The following CACHD1 variants were observed in gnomAD, a reference collection of about 807,000 sequenced individuals.
The protein encoded by CACHD1 is cache domain containing 1.
In CACHD1, 71 loss-of-function variants were observed where a neutral mutation model predicts 138.7. The observed-to-expected ratio is 0.51, with a 90% CI of 0.42 to 0.62. The LOEUF (loss-of-function observed/expected upper bound fraction) is 0.62, where lower values mean the gene tolerates loss of function less well. Ranked by LOEUF, CACHD1 falls within the 20% of genes least tolerant of loss-of-function variation. CACHD1 has a pLI of 0.00. For missense variants in CACHD1, 1,389 were observed against 1,625.3 expected, an observed-to-expected ratio of 0.85 and a Z score of 2.50; for synonymous variants, 578 against 591.5, an observed-to-expected ratio of 0.98 and a Z score of 0.33.
At chr1:64,497,268 A>G (rs1374522040) in intron 1 of CACHD1, among the ~76,000 whole-genome samples, 1 of 152,032 alleles carries the variant, frequency 6.6e-6, no homozygotes, top group Non-Finnish European at 1.5e-5. Context: ...CTCGGCTAAC[A>G]TTTTTTCAGT....
chr1:64,531,595 T>C (rs1413435791), intron 1 of CACHD1, among the ~76,000 whole-genome samples: 1 of 152,046 alleles, frequency 6.6e-6, no homozygotes, highest in Non-Finnish European at 1.5e-5. Context: ...TTGAAGAACT[T>C]ATTCTGGGAA....
chr1:64,631,399 G>A (rs148470860), intron 5 of CACHD1, among the ~76,000 whole-genome samples: 13 of 152,202 alleles, frequency 8.5e-5, no homozygotes, highest in African/African-American at 2.4e-4. Context: ...CAATGGTATC[G>A]ACTCATGAAA....
chr1:64,675,620 G>A (rs1649960383), intron 20 of CACHD1, 59 bp downstream of exon 20: 6 of 1,541,968 alleles, frequency 3.9e-6, no homozygotes, highest in South Asian at 3.6e-5. Context: ...TTCAACTGAT[G>A]TCAGGCATTT....
intron 4 of CACHD1, among the ~76,000 whole-genome samples, chr1:64,612,273 A>T (rs1417554025): frequency 6.6e-6 from 1 of 152,204 alleles, no homozygotes; most frequent in Non-Finnish European, 1.5e-5. Context: ...TCTCTAATAG[A>T]AGTTTTTTTA....
At chr1:64,602,336 T>A (rs972108768) in intron 3 of CACHD1, among the ~76,000 whole-genome samples, 2 of 152,060 alleles carry the variant, frequency 1.3e-5, no homozygotes, top group Non-Finnish European at 2.9e-5. Flanking sequence ...CAGAGCAGGG[T>A]TTCACATCTA....
chr1:64,600,891 C>G (rs1030462050), intron 3 of CACHD1, among the ~76,000 whole-genome samples: 9 of 152,134 alleles, frequency 5.9e-5, no homozygotes, highest in Admixed American at 3.3e-4. Flanking sequence ...AATATGGTAG[C>G]CACTCTTCAG....
chr1:64,683,370 G>A (rs150424800), intron 26 of CACHD1, among the ~76,000 whole-genome samples: 5 of 152,244 alleles, frequency 3.3e-5, no homozygotes, highest in Admixed American at 6.5e-5. Context: ...GTGCCTTCTC[G>A]TTTGAATAAT....
chr1:64,603,687 G>C (rs1291631302), intron 4 of CACHD1, among the ~76,000 whole-genome samples: 1 of 152,096 alleles, frequency 6.6e-6, no homozygotes. Context: ...CTTTCTTCCT[G>C]TTCTCATTGG....
intron 17 of CACHD1, 43 bp from the exon 18 acceptor site, chr1:64,673,115 A>G: frequency 6.6e-7 from 1 of 1,523,962 alleles, no homozygotes; most frequent in South Asian, 1.2e-5. Context: ...AAAAAAAAAA[A>G]AACAGCTGAT....
intron 6 of CACHD1, among the ~76,000 whole-genome samples, chr1:64,633,647 G>A (rs1359718125): frequency 1.3e-5 from 2 of 152,176 alleles, no homozygotes; most frequent in Non-Finnish European, 2.9e-5. Context: ...GCCAACTCCA[G>A]AGGTTTTGCT....
chr1:64,479,678 C>T (rs1031375222), intron 1 of CACHD1, among the ~76,000 whole-genome samples: 16 of 152,240 alleles, frequency 1.1e-4, no homozygotes, highest in Middle Eastern at 3.4e-3. Context: ...CCACCCTATG[C>T]GGTTGAAGTG....
At chr1:64,566,677 C>CT (rs887042540) in intron 2 of CACHD1, among the ~76,000 whole-genome samples, 2 of 148,842 alleles carry the variant, frequency 1.3e-5, no homozygotes, top group African/African-American at 4.9e-5. Context: ...TGGAATGAGG[C>CT]TTTTTTTTAA....
intron 4 of CACHD1, among the ~76,000 whole-genome samples, chr1:64,618,633 G>C (rs1647799590): frequency 6.6e-6 from 1 of 152,146 alleles, no homozygotes; most frequent in African/African-American, 2.4e-5. Flanking sequence ...GATGTAAGTG[G>C]GAAGTGGGAA....
chr1:64,635,893 C>T (rs1648509425), intron 7 of CACHD1, among the ~76,000 whole-genome samples: 2 of 151,730 alleles, frequency 1.3e-5, no homozygotes, highest in South Asian at 4.2e-4. Flanking sequence ...GGGTGGATCA[C>T]AAGGTCATGA....
chr1:64,691,983 T>C lies in CACHD1; in HGVS notation c.*422T>C, dbSNP rs1650577591. On this transcript the variant is annotated 3_prime_UTR_variant, in exon 27 of 27. Coordinates refer to ENST00000651257, the MANE Select transcript of CACHD1 (RefSeq NM_020925.4). The stretch of plus-strand genomic sequence containing the variant: ...GGAATGTGGCACATGCAGATACAAA[T>C]GTGTGCATTGAAGATTTCGCTTTGT... 4.9e-6 allele frequency: 1 copy of C among 203,180 alleles called. No individual in the cohort carries two copies. Among genetic ancestry groups the C allele is most frequent in the African/African-American group, 2.3e-5 (1 of 44,230 alleles). The allele number at this position is 203,180 out of a possible 1,614,324, so 12.6% of individuals were successfully genotyped here. A position where few individuals can be genotyped will look rare whatever the true frequency, so the allele number is the denominator to read the frequency against.
intron 1 of CACHD1, among the ~76,000 whole-genome samples, chr1:64,498,589 C>T (rs1364795431): frequency 6.6e-6 from 1 of 152,166 alleles, no homozygotes; most frequent in Non-Finnish European, 1.5e-5. Context: ...GACTTTTGAT[C>T]CAGTGGCACT....
rs142363038 is a variant in CACHD1 at position 64,679,647 on chromosome 1, G to T, written c.3297G>T (p.Val1099=). 6.2e-7 allele frequency: 1 copy of T among 1,614,202 alleles called. No homozygotes were observed. Among genetic ancestry groups the T allele is most frequent in the Admixed American group, 1.7e-5 (1 of 60,030 alleles). The change falls in exon 24 of 27, where the codon GTG becomes GTT. Residue 1099 remains valine, a synonymous_variant. Transcript: ENST00000651257. The part of the protein sequence containing the change: ...NMIKSAPVGP[V]AGGIMGCIMV... ...TTAAAAGCGCCCCTGTGGGTCCTGT[G>T]GCTGGAGGGATCATGGGATGCATCA...
At chr1:64,663,189 T>A (rs1032500853) in intron 13 of CACHD1, among the ~76,000 whole-genome samples, 1 of 151,642 alleles carries the variant, frequency 6.6e-6, no homozygotes, top group South Asian at 2.1e-4. Context: ...TTGTGTTTAT[T>A]GGCGCATGTC....
At chr1:64,596,825 T>C (rs1399512167) in intron 3 of CACHD1, among the ~76,000 whole-genome samples, 1 of 152,222 alleles carries the variant, frequency 6.6e-6, no homozygotes, top group African/African-American at 2.4e-5. Context: ...GTGTGTGGAC[T>C]TGATGATCAG....
Sources: gnomAD v4.1 joint callset for allele counts (sites outside exome capture counted in the v4.1 genomes callset) on GRCh38, gnomAD v4.1.1 for gene constraint, MANE v1.5 for transcripts, NCBI Gene and HGNC (gene_info 2026-07-23, HGNC 2026-07-21) for gene names.